Variants in CFAP54 observed in about 807,000 individuals in gnomAD.
CFAP54 encodes the protein cilia and flagella associated protein 54, also known as cilia- and flagella-associated protein 54.
In CFAP54, 290 loss-of-function variants were observed where a neutral mutation model predicts 370.4. The ratio of observed to expected loss-of-function variants is 0.78; its 90% CI spans 0.71 to 0.86. The LOEUF (loss-of-function observed/expected upper bound fraction) is 0.86, where lower values mean the gene tolerates loss of function less well. Ranked by LOEUF, CFAP54 falls within the 40% of genes least tolerant of loss-of-function variation. The probability of loss-of-function intolerance (pLI) is 0.00; values close to 1 mark genes in which losing one functional copy is unlikely to be tolerated. For synonymous variants in CFAP54, 1,206 were observed against 1,236.5 expected, an observed-to-expected ratio of 0.98 and a Z score of 0.52; for missense variants, 3,399 against 3,528.7, an observed-to-expected ratio of 0.96 and a Z score of 0.93.
chr12:96,561,579 A>G (rs1448625390), intron 17 of CFAP54, among the ~76,000 whole-genome samples: 1 of 151,670 alleles, frequency 6.6e-6, no homozygotes, highest in Non-Finnish European at 1.5e-5. Context: ...GGAATAAGCT[A>G]TTTTTCCAAT....
At chr12:96,751,591 CAAT>C (rs1350966402) in intron 55 of CFAP54, among the ~76,000 whole-genome samples, 1 of 151,836 alleles carries the variant, frequency 6.6e-6, no homozygotes, top group Non-Finnish European at 1.5e-5. Flanking sequence ...TAATATGAAA[CAAT>C]AAGTGAAATA....
intron 56 of CFAP54, among the ~76,000 whole-genome samples, chr12:96,754,899 A>G (rs1446425509): frequency 1.3e-5 from 2 of 152,038 alleles, no homozygotes; most frequent in East Asian, 1.9e-4. Context: ...GTGCACCACC[A>G]CACTTGGCTA....
chr12:96,594,322 T>C lies in CFAP54; in HGVS notation c.3392T>C (p.Leu1131Ser). Reference sequence around the variant, plus strand: ...AGACTGATTGAATGTGAGAGAGTATTAGTGGCATTGGAACTTAGCAACTTC... The same window carrying C: ...AGACTGATTGAATGTGAGAGAGTATCAGTGGCATTGGAACTTAGCAACTTC... ...IARLIECERV[L>S]VALELSNFLN... is the part of the protein sequence containing the mutation. The change falls in exon 25 of 68, where the codon TTA becomes TCA. Residue 1131 changes from leucine to serine, a missense_variant. Physicochemically the swap from Leu to Ser is moderately radical, Grantham distance 145 (BLOSUM62 -2). Around this residue, in one of 3 missense-constraint regions of CFAP54, gnomAD observed 2,796 missense variants for 2,869.7 expected, o/e 0.97. Transcript: ENST00000524981. 1 of 1,534,838 alleles carries C rather than the reference T, an allele frequency of 6.5e-7. No homozygotes were observed. The highest frequency in any genetic ancestry group is 8.7e-7 in the Non-Finnish European group (1 of 1,146,016).
At chr12:96,831,733 G>C (rs1054780817) in intron 66 of CFAP54, among the ~76,000 whole-genome samples, 8 of 152,152 alleles carry the variant, frequency 5.3e-5, no homozygotes, top group Non-Finnish European at 1.2e-4. Flanking sequence ...CTTCATCTGT[G>C]AGTTCTTACA....
At chr12:96,661,377 C>G (rs1027340178) in intron 38 of CFAP54, among the ~76,000 whole-genome samples, 2 of 152,144 alleles carry the variant, frequency 1.3e-5, no homozygotes, top group Non-Finnish European at 2.9e-5. Flanking sequence ...TCACATCTGT[C>G]TAGCTAGCTA....
Position 96,701,838 on chromosome 12 carries a change from A to G in CFAP54, c.6474+1745A>G, listed in dbSNP as rs146086506. Among the ~76,000 whole-genome samples, 34 of 152,170 alleles carry G rather than the reference A, an allele frequency of 2.2e-4. No individual in the cohort carries two copies. In the East Asian group the frequency reaches 4.1e-3, roughly 18 times the overall value. ...TAAGACCTCATAGGGCTTGATAAGG[A>G]CTGGAATTTTCTCTAAATAAGATGG... On this transcript the variant is annotated intron_variant, in intron 46 of 67. Coordinates refer to ENST00000524981, the MANE Select transcript of CFAP54 (RefSeq NM_001306084.2).
At chr12:96,682,362 T>C (rs1191496441) in intron 40 of CFAP54, 1 of 977,756 alleles carries the variant, frequency 1.0e-6, no homozygotes, top group Admixed American at 6.2e-5. Flanking sequence ...TATGTACTCA[T>C]TTTCTTTAAA....
chr12:96,494,247 A>G (rs1954922327), intron 1 of CFAP54, among the ~76,000 whole-genome samples: 1 of 152,102 alleles, frequency 6.6e-6, no homozygotes, highest in Non-Finnish European at 1.5e-5. Context: ...TTTAGAGGCC[A>G]TTTTAAAGAG....
intron 23 of CFAP54, among the ~76,000 whole-genome samples, chr12:96,590,433 C>T (rs956219213): frequency 6.6e-6 from 1 of 152,162 alleles, no homozygotes; most frequent in Non-Finnish European, 1.5e-5. Flanking sequence ...TCAAAAGCAA[C>T]AAGAATCTCC....
chr12:96,594,178 A>G (rs1956152351), intron 24 of CFAP54, 113 bp from the exon 25 acceptor site: 1 of 680,082 alleles, frequency 1.5e-6, no homozygotes, highest in Admixed American at 3.2e-5. Context: ...TTAAAATACA[A>G]ACACTCATGT....
In CFAP54 at chr12:96,651,634, G is replaced by A. The variant is rs575584928; in HGVS notation, c.4919G>A (p.Cys1640Tyr). 1.2e-5 allele frequency: 20 copies of A among 1,614,160 alleles called. No homozygotes were observed. The highest frequency in any genetic ancestry group is 1.6e-5 in the Non-Finnish European group (19 of 1,180,030). Residue 1640 changes from cysteine (C) to tyrosine (Y), a missense_variant, in exon 36 of 68, where the codon TGT becomes TAT. By Grantham distance (194) the Cys-to-Tyr change is radical. Transcript: ENST00000524981. ...GGYWTLLQNC[C>Y]RALWNFTQEL... ...TATTGGACTCTGCTTCAGAACTGCT[G>A]TCGGGCCTTATGGAACTTTACTCAG...
At chr12:96,727,564 G>T (rs1213725558) in intron 50 of CFAP54, among the ~76,000 whole-genome samples, 1 of 149,948 alleles carries the variant, frequency 6.7e-6, no homozygotes. Flanking sequence ...TTGAGCCTAT[G>T]TGTGTCTCTG....
chr12:96,746,227 A>G (rs1201416485), intron 55 of CFAP54, among the ~76,000 whole-genome samples: 2 of 152,188 alleles, frequency 1.3e-5, no homozygotes, highest in African/African-American at 4.8e-5. Flanking sequence ...ATTTTCAAAT[A>G]TCCACCAGTA....
chr12:96,785,523 A>G (rs1301428129), intron 61 of CFAP54, among the ~76,000 whole-genome samples: 1 of 152,184 alleles, frequency 6.6e-6, no homozygotes, highest in East Asian at 1.9e-4. Flanking sequence ...CAGAAGGGCA[A>G]ATAGGCTGAG....
chr12:96,811,103 A>C (rs1030345220), intron 63 of CFAP54, among the ~76,000 whole-genome samples: 1 of 152,178 alleles, frequency 6.6e-6, no homozygotes, highest in Non-Finnish European at 1.5e-5. Flanking sequence ...TAGCTTTCTT[A>C]TATCTGAAAT....
chr12:96,495,664 C>T (rs1415180744), intron 1 of CFAP54, among the ~76,000 whole-genome samples: 1 of 151,896 alleles, frequency 6.6e-6, no homozygotes. Flanking sequence ...CAACAGTCAG[C>T]AATCCCAAGT....
At chr12:96,652,825 A>AT (rs1277572080) in intron 36 of CFAP54, among the ~76,000 whole-genome samples, 2 of 152,336 alleles carry the variant, frequency 1.3e-5, no homozygotes, top group Non-Finnish European at 1.5e-5. Context: ...AACAATAACG[A>AT]TAAAAAAGCC....
At position 96,519,050 on chromosome 12, in the gene CFAP54, C is replaced by T. The variant is rs1955273232; in HGVS notation, c.921C>T (p.Cys307=). The T allele has an allele frequency of 6.5e-7, 1 of 1,535,108 alleles. No homozygotes were observed. ...YTAVCQCCYD[C]HAGIHGEAFA... is the part of the protein sequence containing the mutation. Reference sequence around the variant, plus strand: ...CTGTTTGCCAGTGCTGCTATGACTGCCATGCCGGGATTCACGGAGAGGTAT... The same window carrying T: ...CTGTTTGCCAGTGCTGCTATGACTGTCATGCCGGGATTCACGGAGAGGTAT... The change falls in exon 6 of 68, where the codon TGC becomes TGT. Residue 307 remains cysteine (C), a synonymous_variant. Transcript: ENST00000524981.
At position 96,701,443 on chromosome 12, in the gene CFAP54, G is replaced by A. The variant is rs1194702105; in HGVS notation, c.6474+1350G>A. Among the ~76,000 whole-genome samples the A allele has an allele frequency of 2.6e-5, 4 of 152,030 alleles. No individual in the cohort carries two copies. The South Asian group carries it at 6.2e-4, about 24-fold the overall frequency. On this transcript the variant is annotated intron_variant, in intron 46 of 67. Transcript: ENST00000524981. Reference sequence around the variant, plus strand: ...AGAGCAGTAGAAAGACAGCAGGGGGGCTCCTGCTTTCCTGGAGCTTACAGT... The same window carrying A: ...AGAGCAGTAGAAAGACAGCAGGGGGACTCCTGCTTTCCTGGAGCTTACAGT...
Sources: gnomAD v4.1 joint callset for allele counts (sites outside exome capture counted in the v4.1 genomes callset) on GRCh38, gnomAD v4.1.1 for gene constraint, gnomAD v4.1.1 regional missense constraint, MANE v1.5 for transcripts, NCBI Gene and HGNC (gene_info 2026-07-23, HGNC 2026-07-21) for gene names.